GLDC: variants seen among roughly 807,000 people sequenced by gnomAD.
The protein encoded by GLDC is glycine decarboxylase, also known as glycine dehydrogenase (decarboxylating), mitochondrial.
GLDC carries 104 observed loss-of-function variants against 121.3 expected under a neutral mutation model. The observed-to-expected ratio is 0.86, with a 90% CI of 0.73 to 1.01. The LOEUF (loss-of-function observed/expected upper bound fraction) is 1.01. Ranked by LOEUF, GLDC falls within the 50% of genes least tolerant of loss-of-function variation. The probability of loss-of-function intolerance (pLI) is 0.00; values close to 1 mark genes in which losing one functional copy is unlikely to be tolerated. For synonymous variants in GLDC, 546 were observed against 480.6 expected (o/e 1.14, Z -1.78); for missense variants, 1,429 against 1,306.6 (o/e 1.09, Z -1.44).
intron 2 of GLDC, among the ~76,000 whole-genome samples, chr9:6,628,466 G>T (rs561110801): frequency 6.6e-6 from 1 of 152,224 alleles, no homozygotes; most frequent in Admixed American, 6.5e-5. Flanking sequence ...GGGGGAAAGA[G>T]ACCAAATGAG....
At chr9:6,639,253 A>G (rs1819576117) in intron 2 of GLDC, 2 of 917,972 alleles carry the variant, frequency 2.2e-6, no homozygotes, top group East Asian at 4.8e-5. Flanking sequence ...CACAAAAAAA[A>G]AGAAGATCCG....
rs558723672 is a variant in GLDC at position 6,605,315 on chromosome 9, G to C, written c.714-37C>G. The C allele has an allele frequency of 4.4e-6, 7 of 1,602,944 alleles. No individual in the cohort carries two copies. In the South Asian group the frequency reaches 5.5e-5, roughly 13 times the overall value. Reference sequence around the variant, plus strand: ...GACAACAAAGAACAATCGTGCTTTCGGTTTATAAGGGAAAATTAATTAACG... The same window carrying C: ...GACAACAAAGAACAATCGTGCTTTCCGTTTATAAGGGAAAATTAATTAACG... On this transcript the variant is annotated intron_variant, in intron 5 of 24. Coordinates refer to ENST00000321612, the MANE Select transcript of GLDC (RefSeq NM_000170.3).
intron 15 of GLDC, among the ~76,000 whole-genome samples, chr9:6,580,389 C>CG (rs1818150451): frequency 6.6e-6 from 1 of 152,182 alleles, no homozygotes; most frequent in East Asian, 1.9e-4. Flanking sequence ...CACCCAGAAC[C>CG]AGGGATTCCG....
At chr9:6,560,113 G>C (rs1032406069) in intron 16 of GLDC, among the ~76,000 whole-genome samples, 1 of 152,186 alleles carries the variant, frequency 6.6e-6, no homozygotes, top group Non-Finnish European at 1.5e-5. Context: ...GTGGACACAG[G>C]CTCTTGTAGA....
intron 20 of GLDC, among the ~76,000 whole-genome samples, chr9:6,552,613 G>A (rs1394422782): frequency 6.6e-6 from 1 of 152,136 alleles, no homozygotes; most frequent in African/African-American, 2.4e-5. Flanking sequence ...GCATAGCTGC[G>A]TTTTGGGGGT....
At chr9:6,644,506 A>T (rs1263506718) in intron 2 of GLDC, 108 bp downstream of exon 2, 1 of 776,002 alleles carries the variant, frequency 1.3e-6, no homozygotes, top group African/African-American at 1.7e-5. Flanking sequence ...TAATCCACAC[A>T]TTCCCAGTCC....
intron 21 of GLDC, among the ~76,000 whole-genome samples, chr9:6,547,210 A>T (rs190469367): frequency 6.6e-6 from 1 of 152,246 alleles, no homozygotes; most frequent in East Asian, 1.9e-4. Context: ...TAGGGAAAAA[A>T]CCAATAGGAT....
intron 15 of GLDC, among the ~76,000 whole-genome samples, chr9:6,576,709 C>T (rs552655582): frequency 5.9e-5 from 9 of 152,240 alleles, no homozygotes; most frequent in East Asian, 5.8e-4. Flanking sequence ...TCAGGTGATC[C>T]GCCTGCCTCG....
chr9:6,633,410 C>G (rs1819431696), intron 2 of GLDC, among the ~76,000 whole-genome samples: 1 of 152,180 alleles, frequency 6.6e-6, no homozygotes, highest in African/African-American at 2.4e-5. Context: ...CTCTCTGGAT[C>G]TCTAGACTCT....
At chr9:6,577,081 C>T (rs759877022) in intron 15 of GLDC, among the ~76,000 whole-genome samples, 8 of 152,178 alleles carry the variant, frequency 5.3e-5, no homozygotes, top group Non-Finnish European at 1.2e-4. Context: ...AGAACAAAAG[C>T]CTTCTGTGCG....
At chr9:6,536,554 T>C (rs1400428927) in intron 22 of GLDC, among the ~76,000 whole-genome samples, 3 of 152,192 alleles carry the variant, frequency 2.0e-5, no homozygotes, top group Non-Finnish European at 4.4e-5. Context: ...GCAAGCCACA[T>C]AATGATATCC....
intron 2 of GLDC, among the ~76,000 whole-genome samples, chr9:6,642,132 C>A (rs1819641742): frequency 6.6e-6 from 1 of 152,158 alleles, no homozygotes; most frequent in Non-Finnish European, 1.5e-5. Context: ...GAGAACTGGT[C>A]CATTTCAGGG....
At chr9:6,584,601 A>G (rs1407202715) in intron 15 of GLDC, among the ~76,000 whole-genome samples, 8 of 152,214 alleles carry the variant, frequency 5.3e-5, no homozygotes, top group African/African-American at 1.7e-4. Flanking sequence ...TTTTCTGCGA[A>G]TTAAGACATC....
chr9:6,604,164 C>T (rs1360195389), intron 7 of GLDC, among the ~76,000 whole-genome samples: 2 of 152,056 alleles, frequency 1.3e-5, no homozygotes, highest in Non-Finnish European at 1.5e-5. Flanking sequence ...ACTCAAATGG[C>T]CACGTGGCGG....
chr9:6,605,416 C>A (rs1818709919), intron 5 of GLDC, 138 bp from the exon 6 acceptor site: 2 of 783,688 alleles, frequency 2.6e-6, no homozygotes, highest in Non-Finnish European at 4.3e-6. Flanking sequence ...ACATCCCGTC[C>A]CACAGGCACT....
At chr9:6,629,956 T>TAC (rs1563870218) in intron 2 of GLDC, among the ~76,000 whole-genome samples, 1,056 of 103,434 alleles carry the variant, frequency 0.01, 65 homozygotes, top group African/African-American at 0.049. Flanking sequence ...TATATATATA[T>TAC]ATTTTTTTTT....
chr9:6,592,869 C>A lies in GLDC; in HGVS notation c.1383G>T (p.Arg461=). The part of the protein sequence containing the change: ...GRAAQRQINF[R]LFEDGTLGIS... ...GACTTACTGTGCCATCCTCAAAAAGCCGAAAATTGATCTGCCGCTGAGCGG... is the reference window on the plus strand; with the variant it reads ...GACTTACTGTGCCATCCTCAAAAAGACGAAAATTGATCTGCCGCTGAGCGG... The change falls in exon 10 of 25, where the codon CGG becomes CGT. Residue 461 remains arginine (R), a synonymous_variant. Transcript: ENST00000321612. The A allele has an allele frequency of 6.2e-7, 1 of 1,613,634 alleles. No homozygotes were observed. Among genetic ancestry groups the A allele is most frequent in the East Asian group, 2.2e-5 (1 of 44,888 alleles).
chr9:6,635,717 A>C (rs539406083), intron 2 of GLDC, among the ~76,000 whole-genome samples: 1 of 151,898 alleles, frequency 6.6e-6, no homozygotes, highest in East Asian at 1.9e-4. Flanking sequence ...CTACAAAAAA[A>C]TTTAAAAAAT....
intron 15 of GLDC, among the ~76,000 whole-genome samples, chr9:6,573,395 A>G (rs1818002250): frequency 6.6e-6 from 1 of 152,204 alleles, no homozygotes; most frequent in Non-Finnish European, 1.5e-5. Flanking sequence ...CGGCAGGCAG[A>G]CGTTGCAGTG....
Sources: gnomAD v4.1 joint callset for allele counts (sites outside exome capture counted in the v4.1 genomes callset) on GRCh38, gnomAD v4.1.1 for gene constraint, MANE v1.5 for transcripts, NCBI Gene and HGNC (gene_info 2026-07-23, HGNC 2026-07-21) for gene names.